The following MAP7 variants were observed in gnomAD, a reference collection of about 807,000 sequenced individuals.
MAP7 encodes microtubule associated protein 7.
In MAP7, 52 loss-of-function variants were observed where a neutral mutation model predicts 94.8. That is an observed-to-expected ratio of 0.55 (90% CI 0.44 to 0.69). MAP7 has a LOEUF of 0.69. MAP7 is among the 30% of genes least tolerant of loss of function. The pLI is 0.00. For synonymous variants in MAP7, 350 were observed against 357.0 expected (o/e 0.98, Z 0.22); for missense variants, 940 against 964.6 (o/e 0.97, Z 0.34).
intron 1 of MAP7, among the ~76,000 whole-genome samples, chr6:136,492,267 C>A (rs1013473244): frequency 4.6e-5 from 7 of 152,190 alleles, no homozygotes; most frequent in African/African-American, 1.7e-4. Flanking sequence ...TAATCACTTC[C>A]TTTACAGTCT....
intron 1 of MAP7, among the ~76,000 whole-genome samples, chr6:136,433,566 A>G (rs1181100692): frequency 6.6e-6 from 1 of 152,242 alleles, no homozygotes; most frequent in East Asian, 1.9e-4. Context: ...AACAGTGAAC[A>G]AAAGTAGGAA....
chr6:136,514,494 G>A (rs1322065564), intron 1 of MAP7, among the ~76,000 whole-genome samples: 4 of 144,886 alleles, frequency 2.8e-5, no homozygotes, highest in Non-Finnish European at 6.0e-5. Context: ...GCTGAGGCAG[G>A]AGAATAGCTT....
chr6:136,404,637 T>G (rs1785071080), intron 3 of MAP7, among the ~76,000 whole-genome samples: 1 of 152,194 alleles, frequency 6.6e-6, no homozygotes, highest in South Asian at 2.1e-4. Flanking sequence ...AAAGTACCAA[T>G]TAGGAATTTG....
chr6:136,356,701 G>A lies in MAP7; in HGVS notation c.2006C>T (p.Thr669Ile). The A allele has an allele frequency of 6.2e-7, 1 of 1,613,758 alleles. No homozygotes were observed. Among genetic ancestry groups the A allele is most frequent in the Non-Finnish European group, 8.5e-7 (1 of 1,179,758 alleles). ...GTCAGTGAAAACTCACCTCTCCACT[G>A]TCACTTTTGACTGGTGTGAGGTAAC... ...HVVTSHQSKV[T>I]VESTPDLEKQ... Residue 669 changes from threonine (T) to isoleucine (I), a missense_variant, in exon 16 of 18, where the codon ACA becomes ATA. By Grantham distance (89) the Thr-to-Ile change is moderately conservative. Transcript: ENST00000354570.
chr6:136,493,877 T>C (rs1161979220), intron 1 of MAP7, among the ~76,000 whole-genome samples: 1 of 152,206 alleles, frequency 6.6e-6, no homozygotes, highest in African/African-American at 2.4e-5. Context: ...GCAACGTAAG[T>C]TGAAATCCAG....
chr6:136,383,662 G>A lies in MAP7; in HGVS notation c.637+9C>T, dbSNP rs1382835639. On this transcript the variant is annotated intron_variant, in intron 6 of 17. Coordinates refer to ENST00000354570, the MANE Select transcript of MAP7 (RefSeq NM_003980.6). ...AACAGACACTTTTTTGTTTTCCTTTGGACTGTACCTCTATCTGGAGAATTT... is the reference window on the plus strand; with the variant it reads ...AACAGACACTTTTTTGTTTTCCTTTAGACTGTACCTCTATCTGGAGAATTT... 1 of 1,504,250 alleles carries A rather than the reference G, an allele frequency of 6.6e-7. No individual in the cohort carries two copies. The highest frequency in any genetic ancestry group is 9.2e-7 in the Non-Finnish European group (1 of 1,090,012). The allele number at this position is 1,504,250 out of a possible 1,614,324, so 93.2% of individuals were successfully genotyped here.
At chr6:136,485,527 G>T (rs1400613578) in intron 1 of MAP7, among the ~76,000 whole-genome samples, 1 of 143,822 alleles carries the variant, frequency 7.0e-6, no homozygotes, top group Non-Finnish European at 1.5e-5. Context: ...AACAAAGTTT[G>T]ATGACTTAAT....
intron 1 of MAP7, among the ~76,000 whole-genome samples, chr6:136,422,424 A>T (rs543757398): frequency 1.3e-4 from 20 of 148,894 alleles, no homozygotes; most frequent in South Asian, 4.2e-4. Context: ...AATTCAAATT[A>T]AAAAAAATCA....
chr6:136,414,099 A>G, intron 2 of MAP7, among the ~76,000 whole-genome samples: 1 of 151,328 alleles, frequency 6.6e-6, no homozygotes, highest in African/African-American at 2.4e-5. Flanking sequence ...AATACAAAAA[A>G]AAAATTAGCC....
At chr6:136,472,930 C>A (rs61052399) in intron 1 of MAP7, among the ~76,000 whole-genome samples, 2,409 of 152,252 alleles carry the variant, frequency 0.016, 85 homozygotes, top group East Asian at 0.13. Flanking sequence ...CCCACTAAAT[C>A]CAGGTCACTG....
chr6:136,471,472 A>T lies in MAP7; in HGVS notation c.68-49673T>A, dbSNP rs141450400. Among the ~76,000 whole-genome samples, 36 of 152,288 alleles carry T rather than the reference A, an allele frequency of 2.4e-4. No homozygotes were observed. In the East Asian group the frequency reaches 6.9e-3, roughly 29 times the overall value. On this transcript the variant is annotated intron_variant, in intron 1 of 17. Transcript: ENST00000354570. ...CTCGGGTTTTACTTTCCTTTTCAAC[A>T]GTTATCTTATTCTCTTTTCTTTTTC...
Position 136,541,547 on chromosome 6 carries a change from G to A in MAP7, c.67+8795C>T, listed in dbSNP as rs1261754513. Among the ~76,000 whole-genome samples the A allele has an allele frequency of 4.6e-5, 7 of 152,262 alleles. No individual in the cohort carries two copies. The South Asian group carries it at 1.2e-3, about 27-fold the overall frequency. The stretch of plus-strand genomic sequence containing the variant: ...CATTTACTAACAGTGCCTATGAAGT[G>A]CAGCTCACATATGCCAAGTGCACTG... On this transcript the variant is annotated intron_variant, in intron 1 of 17. Transcript: ENST00000354570.
rs76374072 is a variant in MAP7 at position 136,526,584 on chromosome 6, G to A, written c.67+23758C>T. On this transcript the variant is annotated intron_variant, in intron 1 of 17. Coordinates refer to ENST00000354570, the MANE Select transcript of MAP7 (RefSeq NM_003980.6). The stretch of plus-strand genomic sequence containing the variant: ...GCAGCTTGCAGGATGCTGGGTTCTG[G>A]GAACTCACCAGCAGAGGGTTACAGC... 1.0e-3 allele frequency: 998 copies of A among 985,476 alleles called. 15 individuals carry two copies. In the African/African-American group the frequency reaches 0.016, roughly 16 times the overall value. The allele number at this position is 985,476 out of a possible 1,614,324, so 61.0% of individuals were successfully genotyped here.
rs1786889776 is a variant in MAP7 at position 136,409,877 on chromosome 6, A to C, written c.244+1743T>G. Among the ~76,000 whole-genome samples, 8 of 152,248 alleles carry C rather than the reference A, an allele frequency of 5.3e-5. No homozygotes were observed. The South Asian group carries it at 1.7e-3, about 32-fold the overall frequency. ...CATACAGTGTTTGAATATATAAACT[A>C]ATGAGTCATGTCCTGTGTTATCAAT... is the stretch of plus-strand genomic sequence containing the variant. On this transcript the variant is annotated intron_variant, in intron 3 of 17. Transcript: ENST00000354570.
At chr6:136,475,763 T>G (rs1414639116) in intron 1 of MAP7, 1 of 152,152 alleles carries the variant, frequency 6.6e-6, no homozygotes, top group Non-Finnish European at 1.5e-5. Context: ...TATGCTTTGA[T>G]AAAGAGGTTT....
intron 7 of MAP7, among the ~76,000 whole-genome samples, chr6:136,374,670 T>G (rs1390047889): frequency 1.3e-5 from 2 of 152,204 alleles, no homozygotes. Flanking sequence ...GCCTCTGGTT[T>G]ATTCTTTATT....
intron 1 of MAP7, chr6:136,466,922 T>C (rs1807316549): frequency 2.1e-6 from 3 of 1,443,270 alleles, no homozygotes; most frequent in Non-Finnish European, 2.7e-6. Context: ...CTCACACAGC[T>C]TGAGGTAGCT....
At chr6:136,512,806 G>A (rs979380846) in intron 1 of MAP7, among the ~76,000 whole-genome samples, 1 of 151,742 alleles carries the variant, frequency 6.6e-6, no homozygotes, top group Non-Finnish European at 1.5e-5. Context: ...AGTAGTCACT[G>A]AAGGCTGGGG....
At chr6:136,351,333 C>T (rs1789150637) in intron 16 of MAP7, among the ~76,000 whole-genome samples, 1 of 152,074 alleles carries the variant, frequency 6.6e-6, no homozygotes, top group African/African-American at 2.4e-5. Flanking sequence ...CATTATTTTA[C>T]ATCACACTGC....
Sources: allele counts gnomAD v4.1 joint callset (sites outside exome capture counted in the v4.1 genomes callset), GRCh38; gene constraint gnomAD v4.1.1; transcripts MANE v1.5; gene names NCBI Gene and HGNC (gene_info 2026-07-23, HGNC 2026-07-21).